The following RP1 variants were observed in gnomAD, a reference collection of about 807,000 sequenced individuals.
RP1 encodes oxygen-regulated protein 1.
A neutral mutation model predicts 14.8 loss-of-function variants in RP1; 16 were observed. The ratio of observed to expected loss-of-function variants is 1.08; its 90% CI spans 0.73 to 1.65. The LOEUF is 1.65. Ranked by LOEUF, RP1 falls within the 40% of genes most tolerant of loss-of-function variation. RP1 has a pLI of 0.00. For synonymous variants in RP1, 876 were observed against 883.6 expected (o/e 0.99, Z 0.15); for missense variants, 2,631 against 2,535.0 (o/e 1.04, Z -0.81).
chr8:54,562,208 A>G (rs1002295275), intron 1 of RP1, among the ~76,000 whole-genome samples: 9 of 152,256 alleles, frequency 5.9e-5, no homozygotes, highest in Non-Finnish European at 1.0e-4. Flanking sequence ...CTATGCTCAC[A>G]TGTAAAACTA....
At chr8:54,674,168 A>T (rs932712546) in intron 8 of RP1, among the ~76,000 whole-genome samples, 1 of 152,202 alleles carries the variant, frequency 6.6e-6, no homozygotes, top group Non-Finnish European at 1.5e-5. Context: ...TACTAGAAAG[A>T]GTAATTTTAA....
chr8:54,812,673 GT>G (rs1811027481), intron 24 of RP1, among the ~76,000 whole-genome samples: 1 of 151,950 alleles, frequency 6.6e-6, no homozygotes, highest in Middle Eastern at 3.2e-3. Flanking sequence ...AATTCTACTG[GT>G]TCTCAGGCAT....
chr8:54,758,850 T>C lies in RP1; in HGVS notation c.3094-72T>C, dbSNP rs937933423. 2.7e-6 allele frequency: 4 copies of C among 1,455,288 alleles called. No individual in the cohort carries two copies. In the African/African-American group the frequency reaches 5.6e-5, roughly 20 times the overall value. The allele number at this position is 1,455,288 out of a possible 1,614,324, so 90.1% of individuals were successfully genotyped here. A position where few individuals can be genotyped will look rare whatever the true frequency, so the allele number is the denominator to read the frequency against. On this transcript the variant is annotated intron_variant, in intron 21 of 22. Coordinates refer to the RP1 transcript ENST00000636932. ...GCTTCTGGCAGTCGTTTAACTATTA[T>C]TATTGCCTGCATTTGTCATGCCTCG...
chr8:54,808,044 G>T (rs1454935276), intron 24 of RP1, among the ~76,000 whole-genome samples: 3 of 151,850 alleles, frequency 2.0e-5, no homozygotes, highest in Non-Finnish European at 2.9e-5. Flanking sequence ...TGGGCCCCAT[G>T]GCCCTGTCAA....
intron 26 of RP1, among the ~76,000 whole-genome samples, chr8:54,854,149 T>C (rs1310427578): frequency 6.6e-6 from 1 of 152,172 alleles, no homozygotes; most frequent in Non-Finnish European, 1.5e-5. Flanking sequence ...AAACAGAAAT[T>C]GGCAATCTAA....
At chr8:54,657,432 G>A (rs948911908) in intron 6 of RP1, among the ~76,000 whole-genome samples, 1 of 152,122 alleles carries the variant, frequency 6.6e-6, no homozygotes, top group African/African-American at 2.4e-5. Flanking sequence ...TCAGGACATG[G>A]CTTGGTATTC....
At chr8:54,761,957 G>C (rs994180249) in intron 22 of RP1, among the ~76,000 whole-genome samples, 1 of 152,130 alleles carries the variant, frequency 6.6e-6, no homozygotes, top group Admixed American at 6.5e-5. Flanking sequence ...GCCACTTATA[G>C]TTACTTCTGT....
intron 19 of RP1, among the ~76,000 whole-genome samples, chr8:54,741,204 A>G (rs1203040912): frequency 1.3e-5 from 2 of 152,160 alleles, no homozygotes; most frequent in Non-Finnish European, 2.9e-5. Context: ...ATTTTTTATG[A>G]ATTTAGTGTA....
Position 54,868,625 on chromosome 8 carries a change from G to T in RP1, c.4152-1218G>T, listed in dbSNP as rs78483540. On this transcript the variant is annotated intron_variant, in intron 28 of 28. Transcript: ENST00000637698. ...TTAATTTAGTGTCTATCAATCTGTT[G>T]TTTCTATGATATAACTATGATTTTG... is the stretch of plus-strand genomic sequence containing the variant. Among the ~76,000 whole-genome samples, 5 of 152,214 alleles carry T rather than the reference G, an allele frequency of 3.3e-5. No individual in the cohort carries two copies. The East Asian group carries it at 9.7e-4, about 29-fold the overall frequency.
At chr8:54,756,517 C>T (rs1386671557) in intron 21 of RP1, among the ~76,000 whole-genome samples, 1 of 152,146 alleles carries the variant, frequency 6.6e-6, no homozygotes, top group Non-Finnish European at 1.5e-5. Context: ...GTTGATTACA[C>T]AAAAGCTTTC....
intron 24 of RP1, among the ~76,000 whole-genome samples, chr8:54,820,870 A>G (rs1292178468): frequency 6.6e-6 from 1 of 152,144 alleles, no homozygotes; most frequent in Non-Finnish European, 1.5e-5. Flanking sequence ...ACACTCAGGA[A>G]ATTGACATCC....
In RP1 at chr8:54,628,586, A is replaced by T. The variant is rs1278809950; in HGVS notation, c.4704A>T (p.Glu1568Asp). The T allele has an allele frequency of 2.5e-6, 4 of 1,614,010 alleles. No individual in the cohort carries two copies. The African/African-American group carries it at 4.0e-5, about 16-fold the overall frequency. ...TAAAAATGATGGTGAAAACTATGGA[A>T]ACTGGAAGTTATTCAGAGTCCTCTC... is the stretch of plus-strand genomic sequence containing the variant. ...KMVKMMVKTM[E>D]TGSYSESSPD... The change falls in exon 4 of 4, where the codon GAA becomes GAT. Residue 1568 changes from glutamate (E) to aspartate (D), a missense_variant. Transcript: ENST00000220676.
At chr8:54,789,234 C>T (rs986188038) in intron 24 of RP1, among the ~76,000 whole-genome samples, 1 of 152,198 alleles carries the variant, frequency 6.6e-6, no homozygotes, top group East Asian at 1.9e-4. Context: ...TAGTCAGTGT[C>T]TCTGCCTAAC....
At chr8:54,616,880 T>C (rs553427458) in intron 1 of RP1, among the ~76,000 whole-genome samples, 2 of 152,292 alleles carry the variant, frequency 1.3e-5, no homozygotes, top group Admixed American at 1.3e-4. Context: ...GCCAACTATT[T>C]AGTTCTGAGC....
chr8:54,726,228 G>A (rs1423627001), intron 16 of RP1: 1 of 1,098,546 alleles, frequency 9.1e-7, no homozygotes, highest in Admixed American at 3.2e-5. Context: ...ATTTGACTAG[G>A]CATTGAAATG....
chr8:54,644,959 T>A (rs1806516995), intron 3 of RP1, among the ~76,000 whole-genome samples: 1 of 152,198 alleles, frequency 6.6e-6, no homozygotes, highest in South Asian at 2.1e-4. Flanking sequence ...CCTGGGTGTC[T>A]CTTTTCTAAG....
intron 17 of RP1, among the ~76,000 whole-genome samples, chr8:54,727,875 T>G (rs1327178636): frequency 6.6e-6 from 1 of 151,754 alleles, no homozygotes; most frequent in Non-Finnish European, 1.5e-5. Context: ...AAAATAAAAT[T>G]TAAGTCAATA....
rs1585569792 is a variant in RP1 at position 54,630,155 on chromosome 8, C to A, written c.6273C>A (p.Ile2091=). The A allele has an allele frequency of 6.2e-7, 1 of 1,613,738 alleles. No individual in the cohort carries two copies. Among genetic ancestry groups the A allele is most frequent in the Non-Finnish European group, 8.5e-7 (1 of 1,179,912 alleles). Residue 2091 remains isoleucine, a synonymous_variant, in exon 4 of 4, where the codon ATC becomes ATA. Transcript: ENST00000220676. ...TNLNQVVREN[I]NCHYFFEMLG... ...TCAACCAAGTAGTAAGAGAAAATATCAACTGTCATTACTTCTTTGAAATGC... is the reference window on the plus strand; with the variant it reads ...TCAACCAAGTAGTAAGAGAAAATATAAACTGTCATTACTTCTTTGAAATGC...
At chr8:54,742,776 C>T (rs1251914098) in intron 19 of RP1, among the ~76,000 whole-genome samples, 1 of 152,066 alleles carries the variant, frequency 6.6e-6, no homozygotes, top group Non-Finnish European at 1.5e-5. Flanking sequence ...AGAAACTTAC[C>T]CATGAGTTAA....
Sources: gnomAD v4.1 joint callset for allele counts (sites outside exome capture counted in the v4.1 genomes callset) on GRCh38, gnomAD v4.1.1 for gene constraint, MANE v1.5 for transcripts, NCBI Gene and HGNC (gene_info 2026-07-23, HGNC 2026-07-21) for gene names.